Variants in SGPL1 observed in about 807,000 individuals in gnomAD.
SGPL1 encodes SP-lyase 1.
Under a neutral mutation model 68.9 loss-of-function variants are expected in SGPL1, and 37 were observed. The ratio of observed to expected loss-of-function variants is 0.54; its 90% CI spans 0.41 to 0.71. The LOEUF (loss-of-function observed/expected upper bound fraction) is 0.71. SGPL1 is among the 30% of genes least tolerant of loss of function. The pLI is 0.00. For synonymous variants in SGPL1, 236 were observed against 248.5 expected (o/e 0.95, Z 0.47); for missense variants, 551 against 704.6 (o/e 0.78, Z 2.47).
intron 2 of SGPL1, among the ~76,000 whole-genome samples, chr10:70,826,509 T>A (rs1845440986): frequency 1.3e-5 from 2 of 152,250 alleles, no homozygotes; most frequent in South Asian, 4.1e-4. Flanking sequence ...TTAAAAATTA[T>A]TTTGGAATTT....
At chr10:70,832,233 A>G (rs562704242) in intron 2 of SGPL1, among the ~76,000 whole-genome samples, 52 of 152,252 alleles carry the variant, frequency 3.4e-4, no homozygotes, top group African/African-American at 1.1e-3. Context: ...GCACTTTCCA[A>G]AGGGTGTTTA....
At chr10:70,873,695 C>G in intron 12 of SGPL1, 106 bp downstream of exon 12, 1 of 843,328 alleles carries the variant, frequency 1.2e-6, no homozygotes, top group Non-Finnish European at 2.0e-6. Context: ...CACCTGTTGT[C>G]TCCTGCGATA....
At chr10:70,857,352 A>G in intron 5 of SGPL1, 1 of 389,010 alleles carries the variant, frequency 2.6e-6, no homozygotes, top group Non-Finnish European at 4.8e-6. Flanking sequence ...TGAGGACAAC[A>G]TTATTATCAG....
At chr10:70,845,634 C>T (rs146888613) in intron 3 of SGPL1, among the ~76,000 whole-genome samples, 124 of 126,146 alleles carry the variant, frequency 9.8e-4, no homozygotes, top group African/African-American at 3.0e-3. Context: ...ACCTTTTTCC[C>T]GCCTAGAAAC....
intron 8 of SGPL1, 40 bp downstream of exon 8, chr10:70,868,473 C>G (rs751905818): frequency 1.3e-6 from 2 of 1,488,344 alleles, no homozygotes; most frequent in East Asian, 2.3e-5. Flanking sequence ...TTGGATTTGT[C>G]TGTCTGGAGT....
At chr10:70,865,481 CTT>C (rs1326525020) in intron 7 of SGPL1, among the ~76,000 whole-genome samples, 9 of 152,224 alleles carry the variant, frequency 5.9e-5, no homozygotes, top group African/African-American at 2.2e-4. Context: ...AATATTTAGA[CTT>C]TTATAAAATA....
intron 14 of SGPL1, 73 bp from the exon 15 acceptor site, chr10:70,877,122 G>T (rs1164484100): frequency 1.1e-5 from 16 of 1,476,552 alleles, no homozygotes; most frequent in Non-Finnish European, 1.5e-5. Flanking sequence ...GGGAGAAGGG[G>T]CTCATTGCTG....
intron 2 of SGPL1, among the ~76,000 whole-genome samples, chr10:70,831,730 T>C (rs1163967734): frequency 1.3e-5 from 2 of 152,036 alleles, no homozygotes; most frequent in Non-Finnish European, 2.9e-5. Context: ...CTTAGTTACA[T>C]AGGCATGATT....
chr10:70,848,454 C>CTTTTTTTTTTTTTTTTTTTTT, intron 3 of SGPL1, among the ~76,000 whole-genome samples: 1 of 70,678 alleles, frequency 1.4e-5, no homozygotes, highest in African/African-American at 6.8e-5. Context: ...ACCTCACGTA[C>CTTTTTTTTTTTTTTTTTTTTT]TTTTTTTTTT....
intron 2 of SGPL1, among the ~76,000 whole-genome samples, chr10:70,827,428 G>C (rs888767263): frequency 1.3e-5 from 2 of 152,180 alleles, no homozygotes; most frequent in African/African-American, 2.4e-5. Context: ...GGTGCATTCA[G>C]ATTTAAAATT....
At chr10:70,833,256 G>A (rs1386530763) in intron 2 of SGPL1, among the ~76,000 whole-genome samples, 1 of 152,206 alleles carries the variant, frequency 6.6e-6, no homozygotes, top group Non-Finnish European at 1.5e-5. Flanking sequence ...TACATATCTG[G>A]CAAGGCCAGG....
chr10:70,833,144 T>C (rs2131864941), intron 2 of SGPL1, among the ~76,000 whole-genome samples: 1 of 152,338 alleles, frequency 6.6e-6, no homozygotes, highest in African/African-American at 2.4e-5. Context: ...GTTCTTTCTG[T>C]GGCCAAGATG....
intron 7 of SGPL1, among the ~76,000 whole-genome samples, chr10:70,864,523 T>C (rs1846143719): frequency 6.6e-6 from 1 of 152,240 alleles, no homozygotes; most frequent in Non-Finnish European, 1.5e-5. Context: ...TTTGTTTTTT[T>C]AGGTCTGTAG....
intron 7 of SGPL1, among the ~76,000 whole-genome samples, chr10:70,864,235 A>G (rs1846137508): frequency 6.6e-6 from 1 of 152,084 alleles, no homozygotes; most frequent in Admixed American, 6.6e-5. Flanking sequence ...TCTCTGCCCC[A>G]CATTTTTCTG....
At chr10:70,858,931 T>C (rs569413306) in intron 6 of SGPL1, among the ~76,000 whole-genome samples, 52 of 152,278 alleles carry the variant, frequency 3.4e-4, no homozygotes, top group African/African-American at 1.2e-3. Context: ...ACACCTGATA[T>C]TGCAGTCGAT....
At chr10:70,823,904 G>A (rs543339205) in intron 2 of SGPL1, among the ~76,000 whole-genome samples, 15 of 152,150 alleles carry the variant, frequency 9.9e-5, no homozygotes, top group Non-Finnish European at 1.8e-4. Context: ...ATATTGATAT[G>A]TCTATAGGGA....
chr10:70,858,910 A>C (rs1846004997), intron 6 of SGPL1, among the ~76,000 whole-genome samples: 1 of 151,972 alleles, frequency 6.6e-6, no homozygotes, highest in African/African-American at 2.4e-5. Context: ...GTCCCTTAGC[A>C]CTCTGTACAC....
At chr10:70,850,500 A>G (rs1394801641) in intron 3 of SGPL1, among the ~76,000 whole-genome samples, 1 of 152,234 alleles carries the variant, frequency 6.6e-6, no homozygotes, top group African/African-American at 2.4e-5. Context: ...GAACACGTAT[A>G]TCATTTGACC....
At chr10:70,824,153 G>A (rs1589447145) in intron 2 of SGPL1, among the ~76,000 whole-genome samples, 1 of 152,156 alleles carries the variant, frequency 6.6e-6, no homozygotes, top group African/African-American at 2.4e-5. Context: ...CTGCCTTACG[G>A]AAATGTTTAA....
Sources: allele counts gnomAD v4.1 joint callset (sites outside exome capture counted in the v4.1 genomes callset), GRCh38; gene constraint gnomAD v4.1.1; transcripts MANE v1.5; gene names NCBI Gene and HGNC (gene_info 2026-07-23, HGNC 2026-07-21).